Variants in ZNF536 observed in about 807,000 individuals in gnomAD.
ZNF536 encodes zinc finger protein 536.
Under a neutral mutation model 84.5 loss-of-function variants are expected in ZNF536, and 13 were observed. The ratio of observed to expected loss-of-function variants is 0.15; its 90% confidence interval spans 0.10 to 0.24. The LOEUF (loss-of-function observed/expected upper bound fraction) is 0.24, where lower values mean the gene tolerates loss of function less well. ZNF536 is among the 10% of genes least tolerant of loss of function. The pLI is 1.00. For missense variants in ZNF536, 1,536 were observed against 1,747.5 expected (o/e 0.88, Z 2.16); for synonymous variants, 811 against 742.5 (o/e 1.09, Z -1.50).
chr19:30,297,739 ATGAACATCCCAGGCAG>A (rs1555714280), intron 2 of ZNF536, among the ~76,000 whole-genome samples: 2 of 152,206 alleles, frequency 1.3e-5, no homozygotes, highest in Non-Finnish European at 2.9e-5. Flanking sequence ...TCAAGACTAA[ATGAACATCCCAGGCAG>A]TGAACCTGCC....
At position 30,347,982 on chromosome 19, in the gene ZNF536, C is replaced by T. The variant is rs78040663; in HGVS notation, c.-119-4386C>T. 1.4e-4 allele frequency among the ~76,000 whole-genome samples: 22 copies of T among 152,326 alleles called. 1 individual carries two copies. The East Asian group carries it at 3.3e-3, about 23-fold the overall frequency. The stretch of plus-strand genomic sequence containing the variant: ...ACCCGCCACGTGGGCATGCTGGAGA[C>T]GCCCATGTGTGTACTTGTTGATGAC... On this transcript the variant is annotated intron_variant, in intron 2 of 5. Transcript: ENST00000585628.
chr19:30,523,039 C>A (rs1190449271), intron 2 of ZNF536, among the ~76,000 whole-genome samples: 3 of 151,994 alleles, frequency 2.0e-5, no homozygotes, highest in African/African-American at 7.3e-5. Context: ...GGTTTTAGAG[C>A]TTTGGAGGAG....
At chr19:30,672,010 C>G (rs1352666760) in intron 1 of ZNF536, among the ~76,000 whole-genome samples, 1 of 152,230 alleles carries the variant, frequency 6.6e-6, no homozygotes, top group African/African-American at 2.4e-5. Flanking sequence ...ACCCGGCCCA[C>G]TCAGCCAAGG....
At chr19:30,696,004 C>T (rs1456771865) in intron 1 of ZNF536, among the ~76,000 whole-genome samples, 1 of 152,072 alleles carries the variant, frequency 6.6e-6, no homozygotes, top group Non-Finnish European at 1.5e-5. Flanking sequence ...CTTATTTTTG[C>T]CATCTCTGAG....
chr19:30,361,169 CA>C (rs1272132923), intron 3 of ZNF536, among the ~76,000 whole-genome samples: 1 of 151,318 alleles, frequency 6.6e-6, no homozygotes, highest in South Asian at 2.1e-4. Context: ...AAGATGAAAC[CA>C]AAAAAAAAGG....
At chr19:30,644,485 T>C (rs2049390856) in intron 1 of ZNF536, among the ~76,000 whole-genome samples, 1 of 152,130 alleles carries the variant, frequency 6.6e-6, no homozygotes, top group South Asian at 2.1e-4. Flanking sequence ...CATTTAGCAT[T>C]AGGTATATCT....
chr19:30,424,638 G>A (rs1006361678), intron 1 of ZNF536, among the ~76,000 whole-genome samples: 1 of 152,126 alleles, frequency 6.6e-6, no homozygotes, highest in Non-Finnish European at 1.5e-5. Flanking sequence ...AAATAATAGG[G>A]TGTGCAAGGC....
At chr19:30,697,331 A>G (rs1330911466) in intron 1 of ZNF536, among the ~76,000 whole-genome samples, 2 of 152,306 alleles carry the variant, frequency 1.3e-5, no homozygotes, top group East Asian at 3.9e-4. Flanking sequence ...CATCCAACAA[A>G]TGGGAGCCCA....
chr19:30,337,859 A>G (rs1027088878), intron 2 of ZNF536, among the ~76,000 whole-genome samples: 14 of 152,224 alleles, frequency 9.2e-5, no homozygotes, highest in Non-Finnish European at 1.9e-4. Flanking sequence ...GCAAGAGCTC[A>G]GTAAGTGTTA....
At chr19:30,344,538 G>A (rs1389958127) in intron 2 of ZNF536, among the ~76,000 whole-genome samples, 1 of 150,298 alleles carries the variant, frequency 6.7e-6, no homozygotes, top group African/African-American at 2.5e-5. Context: ...TCCCTTCTCC[G>A]AGTCAGCACT....
intron 1 of ZNF536, among the ~76,000 whole-genome samples, chr19:30,607,459 C>T (rs781516972): frequency 6.6e-6 from 1 of 151,954 alleles, no homozygotes; most frequent in Non-Finnish European, 1.5e-5. Context: ...GTGTCTCATG[C>T]CTATAATTCC....
chr19:30,563,991 TG>T (rs1222038069), intron 1 of ZNF536, among the ~76,000 whole-genome samples: 2 of 151,750 alleles, frequency 1.3e-5, no homozygotes. Flanking sequence ...GGGCCTGGGA[TG>T]GGGGGACCAA....
At position 30,259,759 on chromosome 19, in the gene ZNF536, C is replaced by CT. The variant is rs202196249; in HGVS notation, c.-189-24304dup. Among the ~76,000 whole-genome samples, 809 of 151,168 alleles carry CT rather than the reference C, an allele frequency of 5.4e-3. 7 individuals carry two copies. Among genetic ancestry groups the CT allele is most frequent in the African/African-American group, 0.019 (778 of 41,176 alleles). Reference sequence around the variant, plus strand: ...ACAGATAGGTGGTTATCGGGTGCTTCTTTTTTTTTCTGAGACAGAGTCTTG... The same window carrying CT: ...ACAGATAGGTGGTTATCGGGTGCTTCTTTTTTTTTTCTGAGACAGAGTCTTG... On this transcript the variant is annotated intron_variant, in intron 1 of 5. Coordinates refer to the ZNF536 transcript ENST00000585628.
At chr19:30,653,122 T>C (rs538889018) in intron 1 of ZNF536, among the ~76,000 whole-genome samples, 1 of 152,332 alleles carries the variant, frequency 6.6e-6, no homozygotes, top group African/African-American at 2.4e-5. Flanking sequence ...TTCACCATGC[T>C]TGACTCTTTT....
intron 1 of ZNF536, among the ~76,000 whole-genome samples, chr19:30,572,651 A>G (rs2046590867): frequency 6.6e-6 from 1 of 152,202 alleles, no homozygotes; most frequent in Non-Finnish European, 1.5e-5. Context: ...AGTAATCAAG[A>G]TGACATCTCT....
At chr19:30,713,109 C>A (rs796526224) in exon 2 of ZNF536, 3 of 152,286 alleles carry the variant, frequency 2.0e-5, no homozygotes, top group African/African-American at 7.2e-5. Flanking sequence ...ACACTGGGAA[C>A]ATCCCCTCTT....
At chr19:30,443,359 CA>C (rs2148138382) in intron 1 of ZNF536, among the ~76,000 whole-genome samples, 1 of 152,286 alleles carries the variant, frequency 6.6e-6, no homozygotes, top group African/African-American at 2.4e-5. Context: ...GATCTGTCGC[CA>C]AAACAAATTG....
intron 1 of ZNF536, among the ~76,000 whole-genome samples, chr19:30,621,928 G>T (rs2048497548): frequency 6.6e-6 from 1 of 152,182 alleles, no homozygotes. Flanking sequence ...GTTTGAAATG[G>T]TCCCCCAGAC....
At chr19:30,398,830 G>T (rs1399610040) in intron 1 of ZNF536, among the ~76,000 whole-genome samples, 1 of 152,118 alleles carries the variant, frequency 6.6e-6, no homozygotes, top group Non-Finnish European at 1.5e-5. Flanking sequence ...TGGGCATTTG[G>T]GTTGGTTCCA....
Sources: allele counts gnomAD v4.1 joint callset (sites outside exome capture counted in the v4.1 genomes callset), GRCh38; gene constraint gnomAD v4.1.1; transcripts MANE v1.5; gene names NCBI Gene and HGNC (gene_info 2026-07-23, HGNC 2026-07-21).